The following CAPN3 variants were observed in gnomAD, a reference collection of about 807,000 sequenced individuals.
CAPN3 encodes calpain 3, also known as calpain-3.
Under a neutral mutation model 114.0 loss-of-function variants are expected in CAPN3, and 88 were observed. The ratio of observed to expected loss-of-function variants is 0.77; its 90% CI spans 0.65 to 0.92. The LOEUF is 0.92. Among genes scored for constraint, CAPN3 ranks in the 40% least tolerant of loss-of-function variants. CAPN3 has a pLI of 0.00. For synonymous variants in CAPN3, 386 were observed against 382.9 expected, an observed-to-expected ratio of 1.01 and a Z score of -0.09; for missense variants, 1,028 against 1,069.0, an observed-to-expected ratio of 0.96 and a Z score of 0.53.
rs2141168006 is a variant in CAPN3 at position 42,389,035 on chromosome 15, A to G, written c.740A>G (p.Asp247Gly). 1 of 1,614,068 alleles carries G rather than the reference A, an allele frequency of 6.2e-7. No individual in the cohort carries two copies. Among genetic ancestry groups the G allele is most frequent in the Non-Finnish European group, 8.5e-7 (1 of 1,180,000 alleles). The change falls in exon 5 of 24, where the codon GAC (aspartate) becomes GGC (glycine). Residue 247 changes from aspartate to glycine, a missense_variant. Physicochemically the swap from Asp to Gly is moderately conservative, Grantham distance 94 (BLOSUM62 -1). Coordinates refer to ENST00000397163, the MANE Select transcript of CAPN3 (RefSeq NM_000070.3). ...TTTGAGATCAGGGATGCTCCTAGTG[A>G]CATGTACAAGATCATGAAGAAAGCC... ...EFFEIRDAPSDMYKIMKKAIE... is the reference protein window; with the variant it reads ...EFFEIRDAPSGMYKIMKKAIE...
At chr15:42,383,855 GAGCCACCACGCCC>G (rs1428533218) in intron 1 of CAPN3, among the ~76,000 whole-genome samples, 2 of 151,442 alleles carry the variant, frequency 1.3e-5, no homozygotes, top group Non-Finnish European at 2.9e-5. Flanking sequence ...TTACAGGTGT[GAGCCACCACGCCC>G]AGCCGACACT....
intron 4 of CAPN3, 68 bp from the exon 5 acceptor site, chr15:42,388,860 G>A: frequency 7.6e-7 from 1 of 1,310,104 alleles, no homozygotes; most frequent in Non-Finnish European, 1.1e-6. Context: ...AGTTCTGGTG[G>A]CAGTGGTACC....
At chr15:42,380,368 C>A (rs80027162) in intron 1 of CAPN3, among the ~76,000 whole-genome samples, 1 of 46,108 alleles carries the variant, frequency 2.2e-5, no homozygotes. Flanking sequence ...TCTTTTTTGT[C>A]TTTTTTTTTT....
intron 23 of CAPN3, 58 bp from the exon 24 acceptor site, chr15:42,411,689 G>T (rs568232137): frequency 9.3e-5 from 4 of 42,822 alleles, no homozygotes; most frequent in East Asian, 5.7e-4. Flanking sequence ...TTCCTAGGGC[G>T]GGGGGGGGGG....
rs562196769 is a variant in CAPN3, at chr15:42,366,569, G to A, written c.309+6455G>A. On this transcript the variant is annotated intron_variant, in intron 1 of 23. Transcript: ENST00000397163. ...TGGCAGAAACATCTTCTCTCTTCTC[G>A]AGGAAAACCTGTAAGAAAAAATCAG... 5.9e-5 allele frequency among the ~76,000 whole-genome samples: 9 copies of A among 152,148 alleles called. No homozygotes were observed. In the East Asian group the frequency reaches 1.5e-3, roughly 26 times the overall value.
At chr15:42,361,307 C>T (rs760418378) in intron 1 of CAPN3, among the ~76,000 whole-genome samples, 20 of 152,078 alleles carry the variant, frequency 1.3e-4, no homozygotes, top group Middle Eastern at 3.4e-3. Flanking sequence ...CTCTTTTGTA[C>T]TAAAAATTCA....
intron 1 of CAPN3, among the ~76,000 whole-genome samples, chr15:42,380,079 G>A (rs774454042): frequency 2.6e-5 from 4 of 152,092 alleles, no homozygotes; most frequent in African/African-American, 9.7e-5. Context: ...CAGCCTGGGC[G>A]ACAAGAGCGA....
In CAPN3 at chr15:42,359,691, C is replaced by G; in HGVS notation, c.-115C>G. The G allele has an allele frequency of 6.3e-7, 1 of 1,575,636 alleles. No individual in the cohort carries two copies. The highest frequency in any genetic ancestry group is 1.2e-5 in the South Asian group (1 of 84,208). Reference sequence around the variant, plus strand: ...TTCAACTTTGAACTGGATGTGGACACTTTTCTCTCAGATGACAGAATTACT... The same window carrying G: ...TTCAACTTTGAACTGGATGTGGACAGTTTTCTCTCAGATGACAGAATTACT... On this transcript the variant is annotated 5_prime_UTR_variant, in exon 1 of 24. Transcript: ENST00000397163.
In CAPN3 at chr15:42,401,743, A is replaced by G. The variant is rs2053876794; in HGVS notation, c.1457A>G (p.Gln486Arg). The change falls in exon 11 of 24, where the codon CAG (glutamine) becomes CGG (arginine). Residue 486 changes from glutamine (Q) to arginine (R), a missense_variant. By Grantham distance (43) the Gln-to-Arg change is conservative (BLOSUM62 1). Coordinates refer to ENST00000397163, the MANE Select transcript of CAPN3 (RefSeq NM_000070.3). ...VICSFLVALM[Q>R]KNRRKDRKLG... Reference sequence around the variant, plus strand: ...TGCAGCTTCCTGGTGGCCCTGATGCAGAAGAACCGGCGGAAGGACCGGAAG... The same window carrying G: ...TGCAGCTTCCTGGTGGCCCTGATGCGGAAGAACCGGCGGAAGGACCGGAAG... The G allele has an allele frequency of 6.2e-7, 1 of 1,614,084 alleles. No homozygotes were observed. The highest frequency in any genetic ancestry group is 8.5e-7 in the Non-Finnish European group (1 of 1,179,988).
chr15:42,402,191 G>C (rs1047353738), intron 12 of CAPN3, 56 bp downstream of exon 12: 7 of 1,612,908 alleles, frequency 4.3e-6, no homozygotes, highest in Non-Finnish European at 5.9e-6. Flanking sequence ...GGGGCCCCGA[G>C]TCTGTCTGTG....
chr15:42,379,036 G>C (rs1255599215), intron 1 of CAPN3, among the ~76,000 whole-genome samples: 2 of 152,108 alleles, frequency 1.3e-5, no homozygotes, highest in Non-Finnish European at 2.9e-5. Context: ...ATTGGTTGCC[G>C]GACGCAGTGG....
At chr15:42,403,088 G>A (rs538252732) in intron 13 of CAPN3, 86 bp downstream of exon 13, 35 of 1,081,518 alleles carry the variant, frequency 3.2e-5, no homozygotes, top group African/African-American at 2.0e-4. Context: ...AGCTAGACAC[G>A]TCTCCTCCAG....
intron 1 of CAPN3, among the ~76,000 whole-genome samples, chr15:42,368,855 C>T (rs1018219754): frequency 6.6e-6 from 1 of 152,174 alleles, no homozygotes; most frequent in African/African-American, 2.4e-5. Flanking sequence ...AGTTCAAGAC[C>T]AGCTTGGGCA....
intron 1 of CAPN3, among the ~76,000 whole-genome samples, chr15:42,378,075 A>C (rs558530607): frequency 6.6e-6 from 1 of 152,330 alleles, no homozygotes; most frequent in East Asian, 1.9e-4. Flanking sequence ...ACCAATATTT[A>C]GTGAAAGAGC....
At position 42,395,078 on chromosome 15, in the gene CAPN3, A is replaced by C. The variant is rs28364459; in HGVS notation, c.1115+737A>C. ...CCTGGGCCCCTCGGCTCCTGTACTT[A>C]TATACTGCTGGGTACTTCTTAGCCC... On this transcript the variant is annotated intron_variant, in intron 8 of 23. Coordinates refer to ENST00000397163, the MANE Select transcript of CAPN3 (RefSeq NM_000070.3). 9.3e-3 allele frequency among the ~76,000 whole-genome samples: 1,411 copies of C among 152,204 alleles called. 25 individuals are homozygous for C. The highest frequency in any genetic ancestry group is 0.032 in the African/African-American group (1,345 of 41,514).
chr15:42,406,079 C>A, intron 15 of CAPN3, 136 bp downstream of exon 15: 1 of 816,678 alleles, frequency 1.2e-6, no homozygotes, highest in Non-Finnish European at 2.1e-6. Flanking sequence ...TCCTGAGCTT[C>A]TGCTGGGGCC....
intron 1 of CAPN3, among the ~76,000 whole-genome samples, chr15:42,375,619 G>GA (rs2053071861): frequency 6.6e-6 from 1 of 152,088 alleles, no homozygotes; most frequent in South Asian, 2.1e-4. Context: ...TGGAGTGGAT[G>GA]AAAAAACTAT....
intron 7 of CAPN3, 75 bp downstream of exon 7, chr15:42,392,797 G>A (rs1174752683): frequency 8.0e-7 from 1 of 1,249,362 alleles, no homozygotes; most frequent in Admixed American, 1.8e-5. Flanking sequence ...TTAGCTGTTG[G>A]GGCCCCTTCC....
intron 12 of CAPN3, chr15:42,402,578 G>C (rs2053903460): frequency 6.7e-7 from 1 of 1,488,796 alleles, no homozygotes; most frequent in Non-Finnish European, 8.9e-7. Flanking sequence ...CCTGAGTGTG[G>C]GGATGACACA....
Sources: allele counts gnomAD v4.1 joint callset (sites outside exome capture counted in the v4.1 genomes callset), GRCh38; gene constraint gnomAD v4.1.1; transcripts MANE v1.5; gene names NCBI Gene and HGNC (gene_info 2026-07-23, HGNC 2026-07-21).